FAM81A: variants seen among roughly 807,000 people sequenced by gnomAD.
The protein encoded by FAM81A is family with sequence similarity 81 member A, also known as protein FAM81A.
A neutral mutation model predicts 46.7 loss-of-function variants in FAM81A; 19 were observed. That is an observed-to-expected ratio of 0.41 (90% CI 0.28 to 0.60). The LOEUF (loss-of-function observed/expected upper bound fraction) is 0.60. Ranked by LOEUF, FAM81A falls within the 20% of genes least tolerant of loss-of-function variation. The probability of loss-of-function intolerance (pLI) is 0.34; values close to 1 mark genes in which losing one functional copy is unlikely to be tolerated. For synonymous variants in FAM81A, 183 were observed against 152.9 expected (o/e 1.20, Z -1.45); for missense variants, 377 against 453.5 (o/e 0.83, Z 1.53).
intron 2 of FAM81A, among the ~76,000 whole-genome samples, chr15:59,423,229 C>G (rs1211180858): frequency 3.9e-5 from 6 of 152,184 alleles, no homozygotes; most frequent in African/African-American, 1.2e-4. Flanking sequence ...TCCCTAGCAG[C>G]TTGGGACTAC....
At chr15:59,427,050 T>C (rs1465876917) in intron 2 of FAM81A, among the ~76,000 whole-genome samples, 1 of 152,226 alleles carries the variant, frequency 6.6e-6, no homozygotes, top group Non-Finnish European at 1.5e-5. Flanking sequence ...TTCTGTTTCT[T>C]TCTCCCATTT....
intron 2 of FAM81A, among the ~76,000 whole-genome samples, chr15:59,431,988 G>A (rs147683352): frequency 1.4e-3 from 206 of 152,122 alleles, no homozygotes; most frequent in African/African-American, 4.5e-3. Flanking sequence ...AAACAAAGAC[G>A]ATTATACCTA....
At chr15:59,472,937 G>T (rs2081715638) in intron 3 of FAM81A, among the ~76,000 whole-genome samples, 2 of 152,140 alleles carry the variant, frequency 1.3e-5, no homozygotes, top group Non-Finnish European at 2.9e-5. Context: ...TGGGTGCTGA[G>T]TCAGTTTTAT....
intron 3 of FAM81A, among the ~76,000 whole-genome samples, chr15:59,473,260 T>C (rs1404597305): frequency 6.6e-6 from 1 of 152,148 alleles, no homozygotes; most frequent in Non-Finnish European, 1.5e-5. Flanking sequence ...AAATAAGCAA[T>C]TGATAAGTTT....
intron 2 of FAM81A, among the ~76,000 whole-genome samples, chr15:59,427,147 G>C (rs1430020167): frequency 6.6e-6 from 1 of 152,166 alleles, no homozygotes; most frequent in Admixed American, 6.5e-5. Flanking sequence ...GTCTCACTCT[G>C]TCACCCAGGC....
At chr15:59,459,910 A>G (rs890521123) in intron 2 of FAM81A, 23 bp from the exon 3 acceptor site, 3 of 1,553,428 alleles carry the variant, frequency 1.9e-6, no homozygotes, top group Non-Finnish European at 2.6e-6. Flanking sequence ...CCAATTAACA[A>G]CCCTCATGGT....
intron 3 of FAM81A, among the ~76,000 whole-genome samples, chr15:59,481,573 T>G (rs141236907): frequency 1.3e-5 from 2 of 152,254 alleles, no homozygotes; most frequent in South Asian, 2.1e-4. Context: ...TTTTGCTTAG[T>G]ATTAAGTTGT....
intron 2 of FAM81A, chr15:59,408,044 C>A: frequency 6.0e-6 from 1 of 167,512 alleles, no homozygotes; most frequent in South Asian, 1.5e-4. Context: ...TGCCAAGATT[C>A]TTAGGCCTTT....
At chr15:59,474,787 A>G (rs752120361) in intron 3 of FAM81A, among the ~76,000 whole-genome samples, 1 of 152,216 alleles carries the variant, frequency 6.6e-6, no homozygotes, top group Non-Finnish European at 1.5e-5. Flanking sequence ...GGCCTGAGGT[A>G]TCAAGGCCAG....
intron 3 of FAM81A, among the ~76,000 whole-genome samples, chr15:59,483,194 C>T (rs1045783957): frequency 6.6e-5 from 10 of 152,052 alleles, no homozygotes; most frequent in African/African-American, 2.2e-4. Flanking sequence ...CGTGCCATCA[C>T]GCCTGACTAA....
intron 1 of FAM81A, among the ~76,000 whole-genome samples, chr15:59,451,107 C>T (rs2081413338): frequency 6.6e-6 from 1 of 152,188 alleles, no homozygotes; most frequent in South Asian, 2.1e-4. Context: ...GTTCCAGTGT[C>T]ATGGGTTTAG....
chr15:59,464,291 G>A (rs1394089418), intron 3 of FAM81A, among the ~76,000 whole-genome samples: 1 of 152,170 alleles, frequency 6.6e-6, no homozygotes, highest in Non-Finnish European at 1.5e-5. Context: ...GGGTGAAGAT[G>A]TCTCTTCAAT....
chr15:59,485,529 A>G (rs796436069), intron 3 of FAM81A, among the ~76,000 whole-genome samples: 4 of 152,354 alleles, frequency 2.6e-5, no homozygotes, highest in South Asian at 2.1e-4. Context: ...TAGTACTTCT[A>G]CAAGTATGCA....
intron 3 of FAM81A, among the ~76,000 whole-genome samples, chr15:59,476,977 G>A (rs1359446679): frequency 6.6e-6 from 1 of 151,614 alleles, no homozygotes; most frequent in African/African-American, 2.4e-5. Flanking sequence ...AAAATTAGCT[G>A]GGTGTGGTGG....
At chr15:59,443,395 A>G (rs183800604) in intron 1 of FAM81A, among the ~76,000 whole-genome samples, 1 of 152,112 alleles carries the variant, frequency 6.6e-6, no homozygotes, top group Non-Finnish European at 1.5e-5. Context: ...AAGATCTTTT[A>G]AAAAAAAGAT....
chr15:59,504,661 G>A (rs2082130296), intron 4 of FAM81A, among the ~76,000 whole-genome samples: 1 of 152,074 alleles, frequency 6.6e-6, no homozygotes, highest in African/African-American at 2.4e-5. Context: ...AACTTTTTCA[G>A]TATTGGCTTG....
At position 59,475,035 on chromosome 15, in the gene FAM81A, T is replaced by A. The variant is rs192565965; in HGVS notation, c.294+14829T>A. Among the ~76,000 whole-genome samples, 31 of 152,388 alleles carry A rather than the reference T, an allele frequency of 2.0e-4. 1 individual carries two copies. The highest frequency in any genetic ancestry group is 2.0e-3 in the Admixed American group (30 of 15,304). ...ACTGAGTTCTCCCCTGACCCATCCT[T>A]GCTTTGATGAGAGATCACTTGAATT... On this transcript the variant is annotated intron_variant, in intron 3 of 8. Transcript: ENST00000288228.
chr15:59,419,976 A>G (rs1353037622), intron 2 of FAM81A, among the ~76,000 whole-genome samples: 1 of 152,042 alleles, frequency 6.6e-6, no homozygotes, highest in African/African-American at 2.4e-5. Flanking sequence ...GGGTCTTGCC[A>G]CCCAGCCCCT....
chr15:59,432,340 T>A (rs906293213), intron 2 of FAM81A, among the ~76,000 whole-genome samples: 14 of 152,264 alleles, frequency 9.2e-5, no homozygotes, highest in Admixed American at 2.0e-4. Context: ...TCAGAGATAA[T>A]GTTAAAATTA....
Sources: gnomAD v4.1 joint callset for allele counts (sites outside exome capture counted in the v4.1 genomes callset) on GRCh38, gnomAD v4.1.1 for gene constraint, MANE v1.5 for transcripts, NCBI Gene and HGNC (gene_info 2026-07-23, HGNC 2026-07-21) for gene names.